Variants in CTNNA2 observed in about 807,000 individuals in gnomAD.
CTNNA2 encodes the protein catenin alpha-2.
A neutral mutation model predicts 101.0 loss-of-function variants in CTNNA2; 42 were observed. The ratio of observed to expected loss-of-function variants is 0.42; its 90% CI spans 0.32 to 0.54. CTNNA2 has a LOEUF of 0.54. Ranked by LOEUF, CTNNA2 falls within the 20% of genes least tolerant of loss-of-function variation. The probability of loss-of-function intolerance (pLI) is 0.14; values close to 1 mark genes in which losing one functional copy is unlikely to be tolerated. For missense variants in CTNNA2, 871 were observed against 1,223.1 expected (o/e 0.71, Z 4.29); for synonymous variants, 450 against 456.4 (o/e 0.99, Z 0.18).
chr2:79,405,318 T>C (rs1678329938), intron 4 of CTNNA2, among the ~76,000 whole-genome samples: 1 of 151,816 alleles, frequency 6.6e-6, no homozygotes, highest in Admixed American at 6.6e-5. Flanking sequence ...GGCTGACAAT[T>C]TGTTTTTATT....
intron 3 of CTNNA2, among the ~76,000 whole-genome samples, chr2:79,777,631 T>G (rs1443060871): frequency 6.6e-6 from 1 of 152,120 alleles, no homozygotes; most frequent in African/African-American, 2.4e-5. Flanking sequence ...GCACTTGATG[T>G]TTGAGCATAA....
chr2:79,301,494 G>A (rs1160831501), intron 2 of CTNNA2, among the ~76,000 whole-genome samples: 3 of 152,188 alleles, frequency 2.0e-5, no homozygotes, highest in Admixed American at 2.0e-4. Flanking sequence ...TTAGGCAGAA[G>A]GAACCTGGAG....
At chr2:79,609,094 T>A (rs1243627858) in intron 1 of CTNNA2, among the ~76,000 whole-genome samples, 4 of 151,906 alleles carry the variant, frequency 2.6e-5, no homozygotes, top group Non-Finnish European at 1.5e-5. Context: ...TATAATAGCA[T>A]CAAAACATAT....
rs151034905 is a variant in CTNNA2 at position 79,258,826 on chromosome 2, C to T, written c.-405-53883C>T. Among the ~76,000 whole-genome samples, 557 of 129,754 alleles carry T rather than the reference C, an allele frequency of 4.3e-3. 5 individuals are homozygous for T. Among genetic ancestry groups the T allele is most frequent in the African/African-American group, 0.016 (535 of 33,010 alleles). The allele number at this position is 129,754 out of a possible 152,430, so 85.1% of individuals were successfully genotyped here. ...GGAGGGTCTGGAGGACTCCATGAAG[C>T]CAAGGCCAAATCCTCTACCAAAAAA... On this transcript the variant is annotated intron_variant, in intron 2 of 21. Coordinates refer to the CTNNA2 transcript ENST00000466387.
chr2:80,492,372 T>C (rs991291351), intron 9 of CTNNA2, among the ~76,000 whole-genome samples: 2 of 152,172 alleles, frequency 1.3e-5, no homozygotes, highest in East Asian at 3.9e-4. Context: ...CTGTATAAAT[T>C]ACCCAGTTTC....
chr2:80,510,403 G>A (rs1455688506), intron 9 of CTNNA2, among the ~76,000 whole-genome samples: 2 of 152,046 alleles, frequency 1.3e-5, no homozygotes, highest in Non-Finnish European at 2.9e-5. Context: ...TCTGACACCC[G>A]TCTTAACTGA....
At chr2:80,231,408 A>G (rs1218216406) in intron 7 of CTNNA2, among the ~76,000 whole-genome samples, 2 of 152,190 alleles carry the variant, frequency 1.3e-5, no homozygotes, top group African/African-American at 2.4e-5. Flanking sequence ...TCATCTTCCC[A>G]CTGATCAGGC....
chr2:80,283,261 G>C (rs1449631463), intron 7 of CTNNA2, among the ~76,000 whole-genome samples: 1 of 152,004 alleles, frequency 6.6e-6, no homozygotes, highest in Non-Finnish European at 1.5e-5. Context: ...ACAAACTAAA[G>C]GTCAGGGTGC....
intron 17 of CTNNA2, among the ~76,000 whole-genome samples, chr2:80,615,551 T>TC (rs1698785649): frequency 6.6e-6 from 1 of 151,524 alleles, no homozygotes; most frequent in South Asian, 2.1e-4. Flanking sequence ...TTATTTTTTT[T>TC]CCATTTAGTT....
At chr2:80,285,420 A>T (rs1245953646) in intron 7 of CTNNA2, among the ~76,000 whole-genome samples, 1 of 152,124 alleles carries the variant, frequency 6.6e-6, no homozygotes, top group Non-Finnish European at 1.5e-5. Context: ...GTCATACTCA[A>T]ATGTGTCCAT....
At chr2:80,509,771 T>C (rs1335958482) in intron 9 of CTNNA2, among the ~76,000 whole-genome samples, 1 of 152,150 alleles carries the variant, frequency 6.6e-6, no homozygotes, top group Admixed American at 6.5e-5. Flanking sequence ...CTGAACCAAA[T>C]TGGACAGTCC....
chr2:80,162,799 C>G, intron 7 of CTNNA2: 1 of 1,586,556 alleles, frequency 6.3e-7, no homozygotes, highest in African/African-American at 1.3e-5. Context: ...TGTCTCAAAG[C>G]ACTGTTCATC....
chr2:79,755,512 T>G (rs1271813433), intron 3 of CTNNA2, among the ~76,000 whole-genome samples: 2 of 152,164 alleles, frequency 1.3e-5, no homozygotes, highest in Non-Finnish European at 2.9e-5. Context: ...CTCCCCTTCC[T>G]TATAGAAACT....
At chr2:80,104,704 C>T (rs1478614712) in intron 7 of CTNNA2, among the ~76,000 whole-genome samples, 1 of 152,298 alleles carries the variant, frequency 6.6e-6, no homozygotes, top group South Asian at 2.1e-4. Context: ...ATAAGCAGCA[C>T]ATTGAAAAGT....
intron 7 of CTNNA2, among the ~76,000 whole-genome samples, chr2:80,064,972 G>T (rs1697870082): frequency 6.6e-6 from 1 of 152,166 alleles, no homozygotes; most frequent in East Asian, 1.9e-4. Context: ...TGAAGAACCA[G>T]ATTTTATGAA....
chr2:80,030,190 T>G (rs1695196861), intron 7 of CTNNA2, among the ~76,000 whole-genome samples: 1 of 151,696 alleles, frequency 6.6e-6, no homozygotes, highest in East Asian at 1.9e-4. Flanking sequence ...ATGCTGTTTT[T>G]CATCCAAACA....
chr2:79,238,682 G>A (rs570695928), intron 2 of CTNNA2, among the ~76,000 whole-genome samples: 4 of 152,140 alleles, frequency 2.6e-5, no homozygotes, highest in African/African-American at 9.7e-5. Context: ...AAATAGATAA[G>A]CATAAGAAAG....
intron 7 of CTNNA2, chr2:80,304,288 T>C (rs1365782014): frequency 6.5e-6 from 1 of 153,614 alleles, no homozygotes; most frequent in Non-Finnish European, 1.5e-5. Flanking sequence ...AGGCGCACAA[T>C]GTCTCACTTT....
intron 5 of CTNNA2, among the ~76,000 whole-genome samples, chr2:79,507,245 T>A (rs1165817850): frequency 6.6e-6 from 1 of 152,234 alleles, no homozygotes; most frequent in East Asian, 1.9e-4. Flanking sequence ...AGAATAAAAG[T>A]GGCAGTGAGG....
Sources: allele counts gnomAD v4.1 joint callset (sites outside exome capture counted in the v4.1 genomes callset), GRCh38; gene constraint gnomAD v4.1.1; transcripts MANE v1.5; gene names NCBI Gene and HGNC (gene_info 2026-07-23, HGNC 2026-07-21).